GARIN1B: variants seen among roughly 807,000 people sequenced by gnomAD.
GARIN1B encodes golgi associated RAB2 interactor 1B.
At chr7:128,725,159 T>C in the GARIN1B span, 2 of 182,248 alleles carry the variant, frequency 1.1e-5, no homozygotes, top group African/African-American at 2.4e-5. Context: ...GAAAAAGACT[T>C]ATCTGTTGCC....
the GARIN1B span, among the ~76,000 whole-genome samples, chr7:128,727,724 A>T: frequency 6.6e-6 from 1 of 151,876 alleles, no homozygotes; most frequent in South Asian, 2.1e-4. Flanking sequence ...TAGCCATCCC[A>T]TGCCTCCTTC....
the GARIN1B span, among the ~76,000 whole-genome samples, chr7:128,720,388 CAG>C: frequency 6.6e-6 from 1 of 151,518 alleles, no homozygotes; most frequent in Admixed American, 6.6e-5. Context: ...TTGGTAGAGA[CAG>C]GGTTTCACCA....
At chr7:128,713,769 C>T in the GARIN1B span, 1 of 392,268 alleles carries the variant, frequency 2.5e-6, no homozygotes, top group Non-Finnish European at 4.9e-6. Context: ...GAAGTCATCT[C>T]CCCAACTGAC....
At chr7:128,729,828 C>T in the GARIN1B span, 14 of 1,514,598 alleles carry the variant, frequency 9.2e-6, no homozygotes, top group East Asian at 4.5e-5. Flanking sequence ...AAGCACCCCC[C>T]CAAATGTCAG....
At chr7:128,731,655 A>C in the GARIN1B span, 1 of 156,870 alleles carries the variant, frequency 6.4e-6, no homozygotes, top group Non-Finnish European at 1.4e-5. Context: ...CATTCTGGAC[A>C]AATGTGAACT....
chr7:128,714,085 A>G, the GARIN1B span: 1 of 1,535,940 alleles, frequency 6.5e-7, no homozygotes, highest in South Asian at 1.2e-5. Context: ...GTGCTGGAGC[A>G]GGGGTGTGAT....
the GARIN1B span, among the ~76,000 whole-genome samples, chr7:128,729,607 T>C: frequency 6.6e-6 from 1 of 152,190 alleles, no homozygotes; most frequent in Non-Finnish European, 1.5e-5. Flanking sequence ...CTGAATCATA[T>C]TGGGTCTCTC....
the GARIN1B span, chr7:128,718,700 C>A: frequency 1.1e-5 from 13 of 1,151,614 alleles, no homozygotes; most frequent in African/African-American, 1.8e-4. Context: ...TTGAGCAGCA[C>A]TGTGCTAAAG....
chr7:128,726,340 G>C, the GARIN1B span, among the ~76,000 whole-genome samples: 1 of 152,186 alleles, frequency 6.6e-6, no homozygotes, highest in Non-Finnish European at 1.5e-5. Context: ...GGGAGGAAGG[G>C]ATTAGTTTTT....
the GARIN1B span, among the ~76,000 whole-genome samples, chr7:128,720,902 C>T: frequency 2.6e-5 from 4 of 151,882 alleles, no homozygotes; most frequent in Admixed American, 2.6e-4. Flanking sequence ...TGATATAAGT[C>T]TTCTAATTTT....
chr7:128,714,741 C>T, the GARIN1B span, among the ~76,000 whole-genome samples: 1 of 152,144 alleles, frequency 6.6e-6, no homozygotes, highest in Non-Finnish European at 1.5e-5. Context: ...TGCTGTCACT[C>T]TCCAAGAGGG....
At chr7:128,713,853 C>A in the GARIN1B span, 2 of 731,892 alleles carry the variant, frequency 2.7e-6, no homozygotes, top group Non-Finnish European at 4.3e-6. Context: ...TGTGGTTAAG[C>A]TTTAACTGTG....
At chr7:128,729,195 A>G in the GARIN1B span, among the ~76,000 whole-genome samples, 20 of 152,158 alleles carry the variant, frequency 1.3e-4, no homozygotes, top group African/African-American at 4.1e-4. Context: ...CTCTCAGTTT[A>G]AAAAGACTGT....
chr7:128,728,786 G>A, the GARIN1B span, among the ~76,000 whole-genome samples: 2 of 152,234 alleles, frequency 1.3e-5, no homozygotes, highest in African/African-American at 2.4e-5. Context: ...ACCACATTCA[G>A]CCTGGAGGCT....
At chr7:128,731,263 C>A in the GARIN1B span, 1 of 812,406 alleles carries the variant, frequency 1.2e-6, no homozygotes, top group Non-Finnish European at 2.1e-6. Context: ...CAGAGCCTTT[C>A]CAGCTGTACA....
chr7:128,728,887 G>A, the GARIN1B span, among the ~76,000 whole-genome samples: 5 of 152,136 alleles, frequency 3.3e-5, no homozygotes, highest in Admixed American at 3.3e-4. Context: ...CATGTTATGC[G>A]ACTAATGACA....
chr7:128,726,689 C>A, the GARIN1B span: 4 of 653,538 alleles, frequency 6.1e-6, no homozygotes, highest in Admixed American at 1.2e-4. Flanking sequence ...TCCAATATAG[C>A]CACAGCTGGC....
chr7:128,712,605 A>T, the GARIN1B span, among the ~76,000 whole-genome samples: 1 of 152,224 alleles, frequency 6.6e-6, no homozygotes, highest in African/African-American at 2.4e-5. Flanking sequence ...AAGCTACGAA[A>T]TGATACCTTG....
the GARIN1B span, among the ~76,000 whole-genome samples, chr7:128,725,944 G>A: frequency 6.6e-6 from 1 of 152,226 alleles, no homozygotes; most frequent in Non-Finnish European, 1.5e-5. Flanking sequence ...GAGAAAATAG[G>A]TAATAGACAG....
Sources: gnomAD v4.1 joint callset for allele counts (sites outside exome capture counted in the v4.1 genomes callset) on GRCh38, gnomAD v4.1.1 for gene constraint, MANE v1.5 for transcripts, NCBI Gene and HGNC (gene_info 2026-07-23, HGNC 2026-07-21) for gene names.